The following NKAIN2 variants were observed in gnomAD, a reference collection of about 807,000 sequenced individuals.
NKAIN2 encodes the protein sodium/potassium-transporting ATPase subunit beta-1-interacting protein 2.
In NKAIN2, 14 loss-of-function variants were observed where a neutral mutation model predicts 32.6. The observed-to-expected ratio is 0.43, with a 90% confidence interval of 0.28 to 0.67. The LOEUF is 0.67. Among genes scored for constraint, NKAIN2 ranks in the 30% least tolerant of loss-of-function variants. NKAIN2 has a pLI of 0.17. For missense variants in NKAIN2, 198 were observed against 258.3 expected (o/e 0.77, Z 1.60); for synonymous variants, 80 against 87.2 (o/e 0.92, Z 0.46).
intron 4 of NKAIN2, among the ~76,000 whole-genome samples, chr6:124,736,224 G>A (rs964799788): frequency 1.3e-5 from 2 of 151,910 alleles, no homozygotes; most frequent in East Asian, 3.9e-4. Flanking sequence ...CTCTTCACTT[G>A]TATGAAGGCT....
At position 124,236,831 on chromosome 6, in the gene NKAIN2, T is replaced by C. The variant is rs1467292889; in HGVS notation, c.55-46174T>C. On this transcript the variant is annotated intron_variant, in intron 1 of 6. Coordinates refer to ENST00000368417, the MANE Select transcript of NKAIN2 (RefSeq NM_001040214.3). ...AACCTGTCTTTAGTTTGGTAAACAA[T>C]AGGAAGACACTAAAGGTATTGGAAA... 2.0e-5 allele frequency among the ~76,000 whole-genome samples: 3 copies of C among 151,968 alleles called. No homozygotes were observed. In the East Asian group the frequency reaches 5.8e-4, roughly 29 times the overall value.
At chr6:124,326,951 C>A (rs188809114) in intron 2 of NKAIN2, among the ~76,000 whole-genome samples, 1 of 152,198 alleles carries the variant, frequency 6.6e-6, no homozygotes, top group African/African-American at 2.4e-5. Context: ...ATGTTTTTGA[C>A]CTTTCCAAGA....
chr6:124,431,234 T>A (rs1775205542), intron 3 of NKAIN2, among the ~76,000 whole-genome samples: 1 of 152,108 alleles, frequency 6.6e-6, no homozygotes, highest in African/African-American at 2.4e-5. Flanking sequence ...AACTGATTTT[T>A]CTTGGTCCCT....
chr6:124,429,074 G>A (rs74597822), intron 3 of NKAIN2, among the ~76,000 whole-genome samples: 2 of 151,990 alleles, frequency 1.3e-5, no homozygotes, highest in Admixed American at 6.6e-5. Context: ...AATTTCACTC[G>A]TTACCCAGGC....
chr6:124,687,253 CTATA>C (rs558395795), intron 4 of NKAIN2, among the ~76,000 whole-genome samples: 12 of 134,816 alleles, frequency 8.9e-5, no homozygotes, highest in African/African-American at 3.3e-4. Flanking sequence ...TATATATTAC[CTATA>C]TATATTCTCT....
intron 1 of NKAIN2, among the ~76,000 whole-genome samples, chr6:124,226,419 G>T (rs981843402): frequency 1.3e-5 from 2 of 151,866 alleles, no homozygotes; most frequent in African/African-American, 4.8e-5. Context: ...CTAACTTTTT[G>T]CTGTTGCCTC....
intron 3 of NKAIN2, among the ~76,000 whole-genome samples, chr6:124,644,406 T>C (rs566593714): frequency 1.7e-5 from 2 of 119,432 alleles, no homozygotes; most frequent in East Asian, 2.2e-4. Context: ...TGCTTTTCTT[T>C]TCTTTTTTTT....
intron 1 of NKAIN2, among the ~76,000 whole-genome samples, chr6:123,925,694 G>T (rs1363227524): frequency 6.6e-6 from 1 of 152,178 alleles, no homozygotes; most frequent in Admixed American, 6.5e-5. Flanking sequence ...TATTGAGGGT[G>T]CAGGGGACTT....
At chr6:123,847,476 G>A (rs1429794068) in intron 1 of NKAIN2, among the ~76,000 whole-genome samples, 1 of 152,100 alleles carries the variant, frequency 6.6e-6, no homozygotes, top group East Asian at 1.9e-4. Context: ...GAAGACTAGT[G>A]TTCTGAGGCC....
intron 4 of NKAIN2, among the ~76,000 whole-genome samples, chr6:124,684,833 C>G (rs1773786541): frequency 6.6e-6 from 1 of 152,160 alleles, no homozygotes; most frequent in African/African-American, 2.4e-5. Context: ...ACCCTAACCC[C>G]CAAATACCTA....
At chr6:124,216,890 G>A (rs9491089) in intron 1 of NKAIN2, among the ~76,000 whole-genome samples, 5,569 of 152,140 alleles carry the variant, frequency 0.037, 342 homozygotes, top group African/African-American at 0.13. Flanking sequence ...CAATCATAAA[G>A]CAATGGTTCA....
At chr6:124,392,798 A>G (rs1043107203) in intron 3 of NKAIN2, among the ~76,000 whole-genome samples, 3 of 152,140 alleles carry the variant, frequency 2.0e-5, no homozygotes, top group Non-Finnish European at 4.4e-5. Flanking sequence ...AATTCAGTGA[A>G]AGGCTGGAGG....
chr6:123,896,388 T>C (rs1372663886), intron 1 of NKAIN2, among the ~76,000 whole-genome samples: 1 of 150,656 alleles, frequency 6.6e-6, no homozygotes, highest in Non-Finnish European at 1.5e-5. Flanking sequence ...TCCCTTTATA[T>C]CACCAACCTG....
chr6:123,851,745 T>A (rs967219273), intron 1 of NKAIN2, among the ~76,000 whole-genome samples: 4 of 152,184 alleles, frequency 2.6e-5, no homozygotes, highest in African/African-American at 9.7e-5. Context: ...TTGTACGTCA[T>A]CTTTTGCGAA....
chr6:123,836,920 T>C (rs972470038), intron 1 of NKAIN2, among the ~76,000 whole-genome samples: 1 of 152,138 alleles, frequency 6.6e-6, no homozygotes, highest in African/African-American at 2.4e-5. Flanking sequence ...TATTTCTCAT[T>C]CCCCACAAAC....
intron 1 of NKAIN2, among the ~76,000 whole-genome samples, chr6:123,979,601 G>A (rs146904553): frequency 3.5e-4 from 54 of 152,218 alleles, no homozygotes; most frequent in African/African-American, 1.1e-3. Flanking sequence ...AAGAAGACCC[G>A]CACCTGACTG....
chr6:124,309,098 G>C (rs376401261), intron 2 of NKAIN2, among the ~76,000 whole-genome samples: 5 of 152,248 alleles, frequency 3.3e-5, no homozygotes, highest in South Asian at 4.1e-4. Flanking sequence ...GAAAGGAGAA[G>C]TGTATTAAAT....
chr6:124,645,014 T>A (rs978937164), intron 3 of NKAIN2, among the ~76,000 whole-genome samples: 6 of 152,148 alleles, frequency 3.9e-5, no homozygotes, highest in Non-Finnish European at 4.4e-5. Context: ...ATACCAGAAA[T>A]TTTCCATTTA....
chr6:124,806,842 G>C (rs1780591287), intron 5 of NKAIN2, among the ~76,000 whole-genome samples: 2 of 151,870 alleles, frequency 1.3e-5, no homozygotes, highest in Admixed American at 1.3e-4. Context: ...TGCAATCCTA[G>C]TCTCTGATAA....
Sources: gnomAD v4.1 joint callset for allele counts (sites outside exome capture counted in the v4.1 genomes callset) on GRCh38, gnomAD v4.1.1 for gene constraint, MANE v1.5 for transcripts, NCBI Gene and HGNC (gene_info 2026-07-23, HGNC 2026-07-21) for gene names.